Variants in BTBD7 observed in about 807,000 individuals in gnomAD.
The protein encoded by BTBD7 is BTB domain containing 7.
Under a neutral mutation model 99.9 loss-of-function variants are expected in BTBD7, and 38 were observed. The observed-to-expected ratio is 0.38, with a 90% confidence interval of 0.29 to 0.50. The LOEUF is 0.50. BTBD7 is among the 20% of genes least tolerant of loss of function. The pLI is 0.93. For synonymous variants in BTBD7, 520 were observed against 511.4 expected (o/e 1.02, Z -0.23); for missense variants, 1,170 against 1,394.6 (o/e 0.84, Z 2.57).
In BTBD7 at chr14:93,282,827, T is replaced by C. The variant is rs1045559550; in HGVS notation, c.1162+11031A>G. 3.3e-5 allele frequency among the ~76,000 whole-genome samples: 5 copies of C among 152,262 alleles called. 1 individual carries two copies. The highest frequency in any genetic ancestry group is 6.5e-5 in the Admixed American group (1 of 15,280). On this transcript the variant is annotated intron_variant, in intron 3 of 10. Transcript: ENST00000334746. ...ACTCCATTCATTTTGTATTCCTTGG[T>C]GATGGGAGGCATCACACCTGGCCTC...
Position 93,268,426 on chromosome 14 carries a change from C to G in BTBD7, c.1163-4433G>C, listed in dbSNP as rs138870104. On this transcript the variant is annotated intron_variant, in intron 3 of 10. Coordinates refer to ENST00000334746, the MANE Select transcript of BTBD7 (RefSeq NM_001002860.4). ...GGTAAAAGCCCCATCTTATCTGATTCTATAGTGTCTGGCACCTAGTAGATA... is the reference window on the plus strand; with the variant it reads ...GGTAAAAGCCCCATCTTATCTGATTGTATAGTGTCTGGCACCTAGTAGATA... Among the ~76,000 whole-genome samples the G allele has an allele frequency of 6.1e-3, 935 of 152,290 alleles. 7 individuals carry two copies. The highest frequency in any genetic ancestry group is 0.034 in the South Asian group (163 of 4,822).
Position 93,293,850 on chromosome 14 carries a change from C to T in BTBD7, c.1162+8G>A. 2 of 1,597,042 alleles carry T rather than the reference C, an allele frequency of 1.3e-6. No individual in the cohort carries two copies. Among genetic ancestry groups the T allele is most frequent in the Non-Finnish European group, 1.7e-6 (2 of 1,174,116 alleles). On this transcript the variant is annotated splice_region_variant and intron_variant, in intron 3 of 10. Coordinates refer to ENST00000334746, the MANE Select transcript of BTBD7 (RefSeq NM_001002860.4). ...TATAAATCAGAATTAAAAACCAGAA[C>T]TTCATACCTTGTGCAAGCATGTTAA...
Position 93,242,095 on chromosome 14 carries a change from A to C in BTBD7, c.*178T>G. ...TAGACAGATGCAACATTAAAAAAAA[A>C]AAACAAAACCTTCTTAGCATGCCAT... On this transcript the variant is annotated 3_prime_UTR_variant, in exon 11 of 11. Coordinates refer to ENST00000334746, the MANE Select transcript of BTBD7 (RefSeq NM_001002860.4). The C allele has an allele frequency of 1.7e-6, 1 of 590,734 alleles. No individual in the cohort carries two copies. 36.6% of individuals were successfully genotyped at this position (590,734 alleles called of 1,614,324 possible). A position where few individuals can be genotyped will look rare whatever the true frequency, so the allele number is the denominator to read the frequency against.
chr14:93,242,943 T>C lies in BTBD7; in HGVS notation c.2729A>G (p.Gln910Arg). 1.2e-6 allele frequency: 2 copies of C among 1,614,152 alleles called. No homozygotes were observed. Among genetic ancestry groups the C allele is most frequent in the African/African-American group, 1.3e-5 (1 of 75,036 alleles). ...TCTCTGTGGAATACACGACAGATGC[T>C]GGGGAGGCCCTGGTCCTGCTTCAGA... The part of the protein sequence containing the change: ...SVSEAGPGPP[Q>R]HLSCIPQRHT... Residue 910 changes from glutamine to arginine, a missense_variant, in exon 11 of 11, where the codon CAG (glutamine) becomes CGG (arginine). Physicochemically the swap from Gln to Arg is conservative, Grantham distance 43 (BLOSUM62 1). Around this residue, in one of 4 missense-constraint regions of BTBD7, gnomAD observed 495 missense variants for 525.9 expected, o/e 0.94. Coordinates refer to ENST00000334746, the MANE Select transcript of BTBD7 (RefSeq NM_001002860.4).
intron 1 of BTBD7, among the ~76,000 whole-genome samples, chr14:93,301,824 G>GA (rs1186838531): frequency 6.6e-6 from 1 of 152,214 alleles, no homozygotes; most frequent in African/African-American, 2.4e-5. Context: ...CCCATGTAAT[G>GA]AAAATTAACA....
At chr14:93,298,762 C>T (rs1330574032) in intron 1 of BTBD7, among the ~76,000 whole-genome samples, 6 of 152,090 alleles carry the variant, frequency 3.9e-5, no homozygotes, top group East Asian at 3.8e-4. Context: ...CTCTATTTTA[C>T]GATGAGCACA....
In BTBD7 at chr14:93,263,871, C is replaced by A. The variant is rs1349181589; in HGVS notation, c.1285G>T (p.Glu429Ter). 2 of 1,613,976 alleles carry A rather than the reference C, an allele frequency of 1.2e-6. No individual in the cohort carries two copies. The highest frequency in any genetic ancestry group is 1.7e-6 in the Non-Finnish European group (2 of 1,180,026). The stretch of plus-strand genomic sequence containing the variant: ...TCCGAAGTCATGACCTGGGAAAATT[C>A]CTCACAGAGGAAATGTAAAGCTTGT... The part of the protein sequence containing the change: ...HRQALHFLCE[E>*]FSQVMTSDVF... The change falls in exon 4 of 11, where the codon GAA (glutamate) becomes TAA (stop). Residue 429 changes from glutamate to a stop codon, truncating the protein, a stop_gained. Coordinates refer to ENST00000334746, the MANE Select transcript of BTBD7 (RefSeq NM_001002860.4). LOFTEE classifies it high-confidence loss of function.
intron 10 of BTBD7, chr14:93,244,420 G>A (rs767702309): frequency 3.3e-4 from 57 of 173,582 alleles, no homozygotes; most frequent in Non-Finnish European, 6.1e-4. Flanking sequence ...GGAGGCTGAG[G>A]CGGGTGGATC....
At chr14:93,281,166 C>CTTT (rs566864647) in intron 3 of BTBD7, among the ~76,000 whole-genome samples, 100 of 138,090 alleles carry the variant, frequency 7.2e-4, no homozygotes, top group African/African-American at 2.5e-3. Flanking sequence ...ATGCCTGGCT[C>CTTT]TTTTTTTTTT....
rs904585282 is a variant in BTBD7, at chr14:93,242,494, C to T, written c.3178G>A (p.Val1060Ile). Residue 1060 changes from valine (V) to isoleucine (I), a missense_variant, in exon 11 of 11, where the codon GTA (valine) becomes ATA (isoleucine). Physicochemically the swap from Val to Ile is conservative, Grantham distance 29. This residue lies in a region of BTBD7 where 495 missense variants were observed against 525.9 expected (regional missense o/e 0.94). Transcript: ENST00000334746. ...AGCCCAAAAGTCAAGTCAGTTTCTACTGCAGTTCGTCCCCTGACATGGGCT... is the reference window on the plus strand; with the variant it reads ...AGCCCAAAAGTCAAGTCAGTTTCTATTGCAGTTCGTCCCCTGACATGGGCT... ...GPAHVRGRTA[V>I]ETDLTFGLTP... The T allele has an allele frequency of 3.7e-6, 6 of 1,614,124 alleles. No individual in the cohort carries two copies. In the Admixed American group the frequency reaches 5.0e-5, roughly 13 times the overall value.
intron 1 of BTBD7, among the ~76,000 whole-genome samples, chr14:93,300,745 TG>T: frequency 1.1e-5 from 1 of 92,018 alleles, no homozygotes; most frequent in East Asian, 3.1e-4. Context: ...TGTGTGTGTG[TG>T]TGTGTGTGTG....
In BTBD7 at chr14:93,296,367, T is replaced by C. The variant is rs1205131650; in HGVS notation, c.-106-210A>G. Among the ~76,000 whole-genome samples, 4 of 152,248 alleles carry C rather than the reference T, an allele frequency of 2.6e-5. No individual in the cohort carries two copies. The East Asian group carries it at 7.7e-4, about 29-fold the overall frequency. ...GCCATAAAATGTACCAATTATATACTTTCTAAGTCAGTAAAAAGTAACATA... is the reference window on the plus strand; with the variant it reads ...GCCATAAAATGTACCAATTATATACCTTCTAAGTCAGTAAAAAGTAACATA... On this transcript the variant is annotated intron_variant, in intron 1 of 10. Coordinates refer to ENST00000334746, the MANE Select transcript of BTBD7 (RefSeq NM_001002860.4).
chr14:93,298,478 A>G (rs960605288), intron 1 of BTBD7, among the ~76,000 whole-genome samples: 17 of 152,312 alleles, frequency 1.1e-4, no homozygotes, highest in African/African-American at 3.8e-4. Flanking sequence ...AATTACCTTC[A>G]GGCTATGTGT....
chr14:93,315,491 C>T (rs1488389947), intron 1 of BTBD7, among the ~76,000 whole-genome samples: 2 of 152,192 alleles, frequency 1.3e-5, no homozygotes, highest in Non-Finnish European at 2.9e-5. Flanking sequence ...CTTGTAGATA[C>T]ATCTGTGCAG....
intron 3 of BTBD7, among the ~76,000 whole-genome samples, chr14:93,266,273 T>C (rs1364363158): frequency 6.6e-6 from 1 of 152,124 alleles, no homozygotes; most frequent in East Asian, 1.9e-4. Context: ...AAAGGACTCA[T>C]GTTGCTGCTT....
intron 1 of BTBD7, among the ~76,000 whole-genome samples, chr14:93,324,423 A>AAAAAAAATAAAAAT (rs1555393945): frequency 6.8e-6 from 1 of 147,750 alleles, no homozygotes; most frequent in African/African-American, 2.5e-5. Flanking sequence ...CCCTGTCTCA[A>AAAAAAAATAAAAAT]AAAAAAAAAA....
intron 3 of BTBD7, among the ~76,000 whole-genome samples, chr14:93,290,936 C>T (rs1308339652): frequency 6.6e-6 from 1 of 150,620 alleles, no homozygotes; most frequent in South Asian, 2.1e-4. Flanking sequence ...CCATCCACCT[C>T]GGCCTCCCAA....
intron 1 of BTBD7, among the ~76,000 whole-genome samples, chr14:93,321,861 GAA>G (rs1262517587): frequency 6.6e-6 from 1 of 152,056 alleles, no homozygotes; most frequent in Non-Finnish European, 1.5e-5. Context: ...ACTGACAATA[GAA>G]AGTGTGAGCT....
Position 93,317,202 on chromosome 14 carries a change from A to G in BTBD7, c.-107+15618T>C, listed in dbSNP as rs558516644. Among the ~76,000 whole-genome samples the G allele has an allele frequency of 2.6e-5, 4 of 152,214 alleles. No homozygotes were observed. In the South Asian group the frequency reaches 8.3e-4, roughly 32 times the overall value. On this transcript the variant is annotated intron_variant, in intron 1 of 10. Coordinates refer to ENST00000334746, the MANE Select transcript of BTBD7 (RefSeq NM_001002860.4). Reference sequence around the variant, plus strand: ...TTATTTTTAGTAGAGATGGGGCTTCACTATGTTGGCCAGGCTGGTCTCGAA... The same window carrying G: ...TTATTTTTAGTAGAGATGGGGCTTCGCTATGTTGGCCAGGCTGGTCTCGAA...
Sources: gnomAD v4.1 joint callset for allele counts (sites outside exome capture counted in the v4.1 genomes callset) on GRCh38, gnomAD v4.1.1 for gene constraint, gnomAD v4.1.1 regional missense constraint, MANE v1.5 for transcripts, NCBI Gene and HGNC (gene_info 2026-07-23, HGNC 2026-07-21) for gene names.